Variants in ZNF385D observed in about 807,000 individuals in gnomAD.
The protein encoded by ZNF385D is zinc finger protein 659.
Under a neutral mutation model 35.8 loss-of-function variants are expected in ZNF385D, and 15 were observed. That is an observed-to-expected ratio of 0.42 (90% CI 0.28 to 0.64). The LOEUF is 0.64. Among genes scored for constraint, ZNF385D ranks in the 30% least tolerant of loss-of-function variants. The probability of loss-of-function intolerance (pLI) is 0.23; values close to 1 mark genes in which losing one functional copy is unlikely to be tolerated. For missense variants in ZNF385D, 474 were observed against 494.6 expected (o/e 0.96, Z 0.39); for synonymous variants, 212 against 186.8 (o/e 1.13, Z -1.10).
chr3:21,559,034 C>T (rs2062844423), intron 3 of ZNF385D, among the ~76,000 whole-genome samples: 1 of 148,590 alleles, frequency 6.7e-6, no homozygotes, highest in African/African-American at 2.5e-5. Context: ...AAATATTCCT[C>T]CTACCCTTTA....
In ZNF385D at chr3:21,744,613, C is replaced by A. The variant is rs533442959; in HGVS notation, c.22+6282G>T. ...ACTTAAGCAAAGTGAAAGCTGAAAA[C>A]TGAAATTGTATCAGGTGAGTTGCTA... On this transcript the variant is annotated intron_variant, in intron 1 of 7. Transcript: ENST00000281523. Among the ~76,000 whole-genome samples the A allele has an allele frequency of 3.0e-4, 45 of 152,216 alleles. No individual in the cohort carries two copies. In the South Asian group the frequency reaches 7.0e-3, roughly 24 times the overall value.
At chr3:22,007,656 AT>A (rs1305365184) in intron 3 of ZNF385D, among the ~76,000 whole-genome samples, 4 of 152,196 alleles carry the variant, frequency 2.6e-5, no homozygotes, top group African/African-American at 7.2e-5. Context: ...TGTGCTGCCT[AT>A]CTTTTCAATC....
At chr3:21,583,849 T>A (rs1424761052) in intron 2 of ZNF385D, among the ~76,000 whole-genome samples, 1 of 151,024 alleles carries the variant, frequency 6.6e-6, no homozygotes, top group Non-Finnish European at 1.5e-5. Context: ...TTCATTTGAA[T>A]CAGGATCTCA....
rs148330565 is a variant in ZNF385D, at chr3:21,567,580, T to G, written c.166-2896A>C. Among the ~76,000 whole-genome samples, 74 of 152,142 alleles carry G rather than the reference T, an allele frequency of 4.9e-4. 1 individual carries two copies. The highest frequency in any genetic ancestry group is 2.2e-3 in the Admixed American group (34 of 15,260). On this transcript the variant is annotated intron_variant, in intron 2 of 7. Coordinates refer to ENST00000281523, the MANE Select transcript of ZNF385D (RefSeq NM_024697.3). ...TTCAGCCACCAGCTGACGGAAAAAT[T>G]AAAAGCAGAAAGAGGTCATTGACTT...
intron 3 of ZNF385D, among the ~76,000 whole-genome samples, chr3:22,074,161 G>C (rs1700359124): frequency 6.6e-6 from 1 of 151,890 alleles, no homozygotes; most frequent in Admixed American, 6.6e-5. Context: ...TTCCCAAAGG[G>C]TTTTACAGAA....
intron 2 of ZNF385D, among the ~76,000 whole-genome samples, chr3:21,621,113 G>C (rs2064993854): frequency 6.6e-6 from 1 of 152,098 alleles, no homozygotes; most frequent in Non-Finnish European, 1.5e-5. Flanking sequence ...TGTTAATAGG[G>C]AGGCTGCAAA....
chr3:22,307,473 G>A (rs1462301899), intron 2 of ZNF385D, among the ~76,000 whole-genome samples: 1 of 152,018 alleles, frequency 6.6e-6, no homozygotes, highest in African/African-American at 2.4e-5. Flanking sequence ...AGAATTGAAG[G>A]CATAAGAAAA....
intron 3 of ZNF385D, among the ~76,000 whole-genome samples, chr3:22,125,185 T>C (rs1703356162): frequency 6.6e-6 from 1 of 152,174 alleles, no homozygotes; most frequent in Non-Finnish European, 1.5e-5. Flanking sequence ...CTTTTCCCAA[T>C]GTATGTTCTT....
chr3:22,036,417 G>C (rs1216669415), intron 3 of ZNF385D, among the ~76,000 whole-genome samples: 1 of 152,144 alleles, frequency 6.6e-6, no homozygotes, highest in Non-Finnish European at 1.5e-5. Context: ...AGTAGGAAAA[G>C]CATGTGAGTA....
intron 2 of ZNF385D, among the ~76,000 whole-genome samples, chr3:21,663,596 A>G (rs531297448): frequency 5.9e-5 from 9 of 152,108 alleles, no homozygotes; most frequent in Non-Finnish European, 8.8e-5. Flanking sequence ...TTTGATGCTG[A>G]GCAAGGTTTC....
intron 4 of ZNF385D, among the ~76,000 whole-genome samples, chr3:21,495,508 G>T (rs1345582884): frequency 1.3e-5 from 2 of 152,088 alleles, no homozygotes. Context: ...AAACTAATGA[G>T]TGCAAAGGTA....
intron 3 of ZNF385D, among the ~76,000 whole-genome samples, chr3:22,101,968 G>T (rs937828816): frequency 6.6e-6 from 1 of 151,164 alleles, no homozygotes; most frequent in Non-Finnish European, 1.5e-5. Context: ...AGTTTCATAG[G>T]ATCTAGTATC....
intron 3 of ZNF385D, among the ~76,000 whole-genome samples, chr3:21,780,651 T>G (rs2071454221): frequency 6.6e-6 from 1 of 152,108 alleles, no homozygotes; most frequent in Non-Finnish European, 1.5e-5. Flanking sequence ...GCATGAAGTA[T>G]CTTTCAATGG....
At chr3:22,234,113 C>T (rs1028362838) in intron 2 of ZNF385D, among the ~76,000 whole-genome samples, 4 of 152,124 alleles carry the variant, frequency 2.6e-5, no homozygotes, top group African/African-American at 4.8e-5. Flanking sequence ...CTATTCACAA[C>T]AAACCACCAC....
intron 2 of ZNF385D, among the ~76,000 whole-genome samples, chr3:22,196,650 G>A (rs1696434720): frequency 6.6e-6 from 1 of 151,734 alleles, no homozygotes; most frequent in African/African-American, 2.4e-5. Context: ...ACCATATATT[G>A]GAAAATTCCA....
intron 2 of ZNF385D, among the ~76,000 whole-genome samples, chr3:21,620,586 A>G (rs1362563775): frequency 6.6e-6 from 1 of 152,134 alleles, no homozygotes; most frequent in Non-Finnish European, 1.5e-5. Context: ...TCCTTTTAGC[A>G]TCAGGTAGCA....
intron 1 of ZNF385D, among the ~76,000 whole-genome samples, chr3:21,730,107 G>C (rs2068928086): frequency 6.6e-6 from 1 of 152,214 alleles, no homozygotes; most frequent in South Asian, 2.1e-4. Context: ...CGAAGAGACA[G>C]ACACACGCAT....
intron 3 of ZNF385D, among the ~76,000 whole-genome samples, chr3:21,819,500 A>G (rs1354868837): frequency 6.6e-6 from 1 of 151,202 alleles, no homozygotes; most frequent in Non-Finnish European, 1.5e-5. Flanking sequence ...ATGTTTTAAG[A>G]AAAAATTTAG....
At chr3:21,960,559 A>C (rs1263340270) in intron 3 of ZNF385D, among the ~76,000 whole-genome samples, 1 of 152,164 alleles carries the variant, frequency 6.6e-6, no homozygotes, top group Admixed American at 6.6e-5. Flanking sequence ...TAAAACTACC[A>C]TAAGATCCAG....
Sources: gnomAD v4.1 joint callset for allele counts (sites outside exome capture counted in the v4.1 genomes callset) on GRCh38, gnomAD v4.1.1 for gene constraint, MANE v1.5 for transcripts, NCBI Gene and HGNC (gene_info 2026-07-23, HGNC 2026-07-21) for gene names.